EPB41L4A: variants seen among roughly 807,000 people sequenced by gnomAD.
EPB41L4A encodes band 4.1-like protein 4A.
Under a neutral mutation model 108.6 loss-of-function variants are expected in EPB41L4A, and 100 were observed. The observed-to-expected ratio is 0.92, with a 90% CI of 0.78 to 1.09. The LOEUF is 1.09. EPB41L4A is among the 50% of genes least tolerant of loss of function. EPB41L4A has a pLI of 0.00. For synonymous variants in EPB41L4A, 319 were observed against 289.0 expected, an observed-to-expected ratio of 1.10 and a Z score of -1.05; for missense variants, 1,030 against 842.7, an observed-to-expected ratio of 1.22 and a Z score of -2.75.
intron 1 of EPB41L4A, among the ~76,000 whole-genome samples, chr5:112,310,796 G>A (rs1755000235): frequency 6.6e-6 from 1 of 152,074 alleles, no homozygotes; most frequent in South Asian, 2.1e-4. Flanking sequence ...GAGTCTTGGT[G>A]GAGGCAGGAA....
chr5:112,297,128 G>A (rs1754042366), intron 2 of EPB41L4A, among the ~76,000 whole-genome samples: 2 of 152,062 alleles, frequency 1.3e-5, no homozygotes, highest in South Asian at 2.1e-4. Context: ...TTTTTCGTAT[G>A]ACTTCTTTTC....
At chr5:112,339,531 T>TATATAG (rs1554100063) in intron 1 of EPB41L4A, among the ~76,000 whole-genome samples, 9,259 of 112,658 alleles carry the variant, frequency 0.082, 407 homozygotes, top group African/African-American at 0.11. Context: ...TATATATCTA[T>TATATAG]ATATATATAT....
downstream of EPB41L4A, chr5:112,162,328 G>A (rs1326837520): frequency 6.6e-6 from 1 of 152,228 alleles, no homozygotes; most frequent in Non-Finnish European, 1.5e-5. Flanking sequence ...TGTGTTTTAA[G>A]TGATTAACTG....
At chr5:112,207,695 G>A (rs557352770) in intron 13 of EPB41L4A, among the ~76,000 whole-genome samples, 114 of 152,070 alleles carry the variant, frequency 7.5e-4, no homozygotes, top group African/African-American at 2.6e-3. Flanking sequence ...TTAATCATTC[G>A]AAAAAAGCAA....
At chr5:112,296,980 TATAC>T (rs974089862) in intron 2 of EPB41L4A, among the ~76,000 whole-genome samples, 11 of 135,406 alleles carry the variant, frequency 8.1e-5, no homozygotes, top group South Asian at 2.3e-4. Flanking sequence ...CACATACATA[TATAC>T]ATACATACAC....
intron 15 of EPB41L4A, among the ~76,000 whole-genome samples, chr5:112,196,171 C>A (rs1761957621): frequency 6.6e-6 from 1 of 152,176 alleles, no homozygotes; most frequent in African/African-American, 2.4e-5. Flanking sequence ...TGCTCTCTTA[C>A]CACAATCTCC....
chr5:112,169,025 T>TCTGAACACTGGGAC lies in EPB41L4A; in HGVS notation c.1806_1819dup (p.Asp607GlyfsTer15). On this transcript the variant is annotated frameshift_variant, in exon 21 of 23. Coordinates refer to ENST00000261486, the MANE Select transcript of EPB41L4A (RefSeq NM_022140.5). LOFTEE classifies it high-confidence loss of function. Reference sequence around the variant, plus strand: ...TTCCGAGAGAACTGATCGCTCCCCATCTGAACACTGGGACCTGCGATACTG... The same window carrying TCTGAACACTGGGAC: ...TTCCGAGAGAACTGATCGCTCCCCATCTGAACACTGGGACCTGAACACTGGGACCTGCGATACTG... 1.2e-6 allele frequency: 2 copies of TCTGAACACTGGGAC among 1,613,960 alleles called. No individual in the cohort carries two copies. Among genetic ancestry groups the TCTGAACACTGGGAC allele is most frequent in the Non-Finnish European group, 1.7e-6 (2 of 1,179,864 alleles).
chr5:112,394,675 T>C (rs977125456), intron 1 of EPB41L4A, among the ~76,000 whole-genome samples: 5 of 152,194 alleles, frequency 3.3e-5, no homozygotes, highest in Non-Finnish European at 7.3e-5. Context: ...CCAAGGTAAT[T>C]TGTAGATTCA....
At chr5:112,287,300 C>T (rs549442497) in intron 2 of EPB41L4A, among the ~76,000 whole-genome samples, 1 of 152,338 alleles carries the variant, frequency 6.6e-6, no homozygotes, top group East Asian at 1.9e-4. Context: ...CTGCAGTCTT[C>T]ACCATCTCAG....
chr5:112,364,625 A>AT (rs1312150938), intron 1 of EPB41L4A, among the ~76,000 whole-genome samples: 1 of 152,168 alleles, frequency 6.6e-6, no homozygotes, highest in Non-Finnish European at 1.5e-5. Context: ...ATAGTTAAGC[A>AT]TTTTTTCCCT....
At chr5:112,254,296 A>G (rs1561514514) in intron 9 of EPB41L4A, among the ~76,000 whole-genome samples, 1 of 152,146 alleles carries the variant, frequency 6.6e-6, no homozygotes, top group Non-Finnish European at 1.5e-5. Context: ...ATCTGCTACC[A>G]ATCAGAAACA....
intron 15 of EPB41L4A, among the ~76,000 whole-genome samples, chr5:112,199,602 T>C (rs757816370): frequency 2.6e-5 from 4 of 152,194 alleles, no homozygotes; most frequent in Non-Finnish European, 5.9e-5. Flanking sequence ...TCACAACCCA[T>C]GTGAATCCCA....
chr5:112,412,358 T>C (rs1384303301), intron 1 of EPB41L4A, among the ~76,000 whole-genome samples: 1 of 152,242 alleles, frequency 6.6e-6, no homozygotes, highest in African/African-American at 2.4e-5. Flanking sequence ...CAGACCTTGA[T>C]GAATCTCTTT....
At chr5:112,360,154 C>T (rs568409176) in intron 1 of EPB41L4A, among the ~76,000 whole-genome samples, 1 of 152,266 alleles carries the variant, frequency 6.6e-6, no homozygotes, top group African/African-American at 2.4e-5. Flanking sequence ...GGCCAGGCAC[C>T]ATAGCTCACG....
chr5:112,155,870 G>A (rs962618671), intron 12 of EPB41L4A, among the ~76,000 whole-genome samples: 8 of 151,928 alleles, frequency 5.3e-5, no homozygotes, highest in African/African-American at 1.9e-4. Flanking sequence ...AAGAGAAATG[G>A]GCTCTGTTTT....
intron 1 of EPB41L4A, among the ~76,000 whole-genome samples, chr5:112,402,727 T>C (rs1366339286): frequency 1.3e-5 from 2 of 152,152 alleles, no homozygotes; most frequent in Admixed American, 6.5e-5. Flanking sequence ...TTTCAAAACA[T>C]GAATCAGTTC....
chr5:112,354,210 A>G (rs1758230567), intron 1 of EPB41L4A, among the ~76,000 whole-genome samples: 1 of 152,166 alleles, frequency 6.6e-6, no homozygotes, highest in South Asian at 2.1e-4. Flanking sequence ...AGAACTCATT[A>G]TACGTTCCTC....
At chr5:112,274,929 A>G (rs1382595839) in intron 4 of EPB41L4A, among the ~76,000 whole-genome samples, 3 of 152,234 alleles carry the variant, frequency 2.0e-5, no homozygotes, top group Non-Finnish European at 4.4e-5. Context: ...TATTTAAGCT[A>G]CAACCAATTA....
chr5:112,322,162 G>A (rs2150627880), intron 1 of EPB41L4A, among the ~76,000 whole-genome samples: 1 of 152,302 alleles, frequency 6.6e-6, no homozygotes, highest in Middle Eastern at 3.4e-3. Flanking sequence ...GGCAGGCACT[G>A]TTATAATAGC....
Sources: gnomAD v4.1 joint callset for allele counts (sites outside exome capture counted in the v4.1 genomes callset) on GRCh38, gnomAD v4.1.1 for gene constraint, MANE v1.5 for transcripts, NCBI Gene and HGNC (gene_info 2026-07-23, HGNC 2026-07-21) for gene names.